TTLL4: variants seen among roughly 807,000 people sequenced by gnomAD.
The protein encoded by TTLL4 is tubulin monoglutamylase TTLL4.
A neutral mutation model predicts 122.7 loss-of-function variants in TTLL4; 85 were observed. That is an observed-to-expected ratio of 0.69 (90% CI 0.58 to 0.83). The LOEUF is 0.83. Among genes scored for constraint, TTLL4 ranks in the 40% least tolerant of loss-of-function variants. The pLI is 0.00. For synonymous variants in TTLL4, 553 were observed against 563.0 expected (o/e 0.98, Z 0.25); for missense variants, 1,363 against 1,488.6 (o/e 0.92, Z 1.39).
chr2:218,723,461 A>G (rs1942101853), intron 1 of TTLL4, among the ~76,000 whole-genome samples: 2 of 152,230 alleles, frequency 1.3e-5, no homozygotes, highest in African/African-American at 4.8e-5. Context: ...ATTAAACTTT[A>G]TCTGCCAGGC....
intron 1 of TTLL4, among the ~76,000 whole-genome samples, chr2:218,719,443 A>G (rs1469264517): frequency 6.6e-6 from 1 of 152,156 alleles, no homozygotes; most frequent in African/African-American, 2.4e-5. Context: ...AAGGATTCAC[A>G]AGGAAGAAGC....
At chr2:218,750,186 A>T in intron 15 of TTLL4, 40 bp downstream of exon 15, 1 of 1,604,172 alleles carries the variant, frequency 6.2e-7, no homozygotes, top group Non-Finnish European at 8.5e-7. Flanking sequence ...TGGCAGCATG[A>T]GTAGCCCTGC....
chr2:218,716,140 T>C (rs1469591372), intron 1 of TTLL4, among the ~76,000 whole-genome samples: 2 of 152,234 alleles, frequency 1.3e-5, no homozygotes, highest in East Asian at 3.8e-4. Flanking sequence ...AAACTCGTGG[T>C]GGCAGATACC....
chr2:218,754,161 A>C lies in TTLL4; in HGVS notation c.3372A>C (p.Leu1124=), dbSNP rs769201303. 1.2e-6 allele frequency: 2 copies of C among 1,614,036 alleles called. No individual in the cohort carries two copies. Among genetic ancestry groups the C allele is most frequent in the East Asian group, 2.2e-5 (1 of 44,894 alleles). The part of the protein sequence containing the change: ...LGKQSSCEVS[L]LLSEDGTTPK... Reference sequence around the variant, plus strand: ...AACAAAGCTCCTGTGAGGTTAGCCTACTACTCTCTGAAGACGGGACCACGC... The same window carrying C: ...AACAAAGCTCCTGTGAGGTTAGCCTCCTACTCTCTGAAGACGGGACCACGC... The change falls in exon 20 of 20, where the codon CTA becomes CTC. Residue 1124 remains leucine (L), a synonymous_variant. Coordinates refer to ENST00000392102, the MANE Select transcript of TTLL4 (RefSeq NM_014640.5).
At chr2:218,725,564 T>TG (rs1210867165) in intron 1 of TTLL4, among the ~76,000 whole-genome samples, 1 of 150,798 alleles carries the variant, frequency 6.6e-6, no homozygotes, top group Non-Finnish European at 1.5e-5. Flanking sequence ...TATATTGCCT[T>TG]TTTTTTTTGG....
At chr2:218,736,312 AT>A (rs1314611926) in intron 2 of TTLL4, 6 of 152,258 alleles carry the variant, frequency 3.9e-5, no homozygotes, top group African/African-American at 1.4e-4. Flanking sequence ...TTTCCCCCAG[AT>A]GCTGCCATGA....
Position 218,753,595 on chromosome 2 carries a change from G to C in TTLL4, c.3270G>C (p.Pro1090=), listed in dbSNP as rs555430588. 5 of 1,614,000 alleles carry C rather than the reference G, an allele frequency of 3.1e-6. No individual in the cohort carries two copies. The highest frequency in any genetic ancestry group is 1.3e-5 in the African/African-American group (1 of 74,920). ...TCCTTTGCTCTTAGTGGTCTCTCCC[G>C]ACATCACTTCTGACTATCTCAAAGG... is the stretch of plus-strand genomic sequence containing the variant. ...VSDSAPVWSL[P]TSLLTISKDD... The change falls in exon 19 of 20, where the codon CCG becomes CCC. Residue 1090 remains proline (P), a synonymous_variant. Transcript: ENST00000392102.
At chr2:218,741,157 A>G (rs554106444) in intron 5 of TTLL4, among the ~76,000 whole-genome samples, 2 of 152,370 alleles carry the variant, frequency 1.3e-5, no homozygotes, top group Non-Finnish European at 2.9e-5. Flanking sequence ...TGGGAGACTA[A>G]GATGGGTGGA....
At position 218,748,767 on chromosome 2, in the gene TTLL4, C is replaced by T. The variant is rs565374612; in HGVS notation, c.2502-69C>T. ...AGAAAATACCATTAGGTCTCTTCTT[C>T]GTTTTTCTTTGTCTTTGTCACTCAT... is the stretch of plus-strand genomic sequence containing the variant. On this transcript the variant is annotated intron_variant, in intron 12 of 19. Coordinates refer to ENST00000392102, the MANE Select transcript of TTLL4 (RefSeq NM_014640.5). 14 of 1,412,072 alleles carry T rather than the reference C, an allele frequency of 9.9e-6. No homozygotes were observed. The East Asian group carries it at 1.4e-4, about 14-fold the overall frequency. The allele number at this position is 1,412,072 out of a possible 1,614,324, so 87.5% of individuals were successfully genotyped here.
In TTLL4 at chr2:218,751,820, C is replaced by T. The variant is rs1943022115; in HGVS notation, c.2976+14C>T. 4 of 1,604,544 alleles carry T rather than the reference C, an allele frequency of 2.5e-6. No homozygotes were observed. Among genetic ancestry groups the T allele is most frequent in the Middle Eastern group, 1.7e-4 (1 of 6,014 alleles). ...ATTCCTGATCAGGTAGGAGATTGGT[C>T]TTCCCCCCAGTGCTAGCAGAAAACT... On this transcript the variant is annotated intron_variant, in intron 16 of 19. Coordinates refer to ENST00000392102, the MANE Select transcript of TTLL4 (RefSeq NM_014640.5).
chr2:218,748,496 A>C, intron 12 of TTLL4: 1 of 463,640 alleles, frequency 2.2e-6, no homozygotes. Context: ...GTCTACTAAA[A>C]ATACAAAAAT....
chr2:218,743,875 C>T (rs1229681635), intron 5 of TTLL4, among the ~76,000 whole-genome samples: 2 of 152,112 alleles, frequency 1.3e-5, no homozygotes, highest in East Asian at 3.9e-4. Context: ...GACGGGGTTT[C>T]CCCATGTTGG....
Position 218,739,087 on chromosome 2 carries a change from TC to T in TTLL4, c.1413del (p.Ile472SerfsTer44), listed in dbSNP as rs750426093. The T allele has an allele frequency of 1.2e-6, 2 of 1,614,122 alleles. No homozygotes were observed. The highest frequency in any genetic ancestry group is 8.5e-7 in the Non-Finnish European group (1 of 1,180,030). On this transcript the variant is annotated frameshift_variant, in exon 3 of 20. Coordinates refer to ENST00000392102, the MANE Select transcript of TTLL4 (RefSeq NM_014640.5). LOFTEE classifies it high-confidence loss of function. ...GIANVATRLS[S>X]IQLGQSEKER... ...AGCCAACGTGGCCACCCGCCTCTCT[TC>T]CATCCAGCTGGGCCAGTCTGAGAAG...
At chr2:218,748,469 A>G (rs573569393) in intron 12 of TTLL4, 202 of 533,690 alleles carry the variant, frequency 3.8e-4, no homozygotes, top group Non-Finnish European at 5.8e-4. Flanking sequence ...AGCCTGGCCA[A>G]CATGGCGAAG....
Position 218,738,036 on chromosome 2 carries a change from C to G in TTLL4, c.360C>G (p.Arg120=). ...DLFNSTLLYR[R]SSYRQKPYQQ... ...TCAACAGCACCCTGCTATACCGCCG[C>G]TCCAGCTATAGGCAAAAACCGTACC... The change falls in exon 3 of 20, where the codon CGC becomes CGG. Residue 120 remains arginine, a synonymous_variant. Transcript: ENST00000392102. 1 of 1,614,180 alleles carries G rather than the reference C, an allele frequency of 6.2e-7. No individual in the cohort carries two copies. Among genetic ancestry groups the G allele is most frequent in the Non-Finnish European group, 8.5e-7 (1 of 1,180,042 alleles).
Position 218,738,628 on chromosome 2 carries a change from T to C in TTLL4, c.952T>C (p.Ser318Pro), listed in dbSNP as rs1479914431. 2 of 1,614,096 alleles carry C rather than the reference T, an allele frequency of 1.2e-6. No homozygotes were observed. The highest frequency in any genetic ancestry group is 8.5e-7 in the Non-Finnish European group (1 of 1,180,048). ...CTTAGCCATGAGGGCAGAGCCACTT[T>C]CCTGTGCTCTGGATGACAGCTCTGA... ...NNLAMRAEPL[S>P]CALDDSSDSQ... Residue 318 changes from serine (S) to proline (P), a missense_variant, in exon 3 of 20, where the codon TCC becomes CCC. By Grantham distance (74) the Ser-to-Pro change is moderately conservative (BLOSUM62 -1). This residue lies in a region of TTLL4 where 760 missense variants were observed against 808.4 expected (regional missense o/e 0.94). Transcript: ENST00000392102.
Position 218,737,793 on chromosome 2 carries a change from C to T in TTLL4, c.117C>T (p.Gly39=), listed in dbSNP as rs140821266. 305 of 1,614,084 alleles carry T rather than the reference C, an allele frequency of 1.9e-4. No individual in the cohort carries two copies. In the East Asian group the frequency reaches 4.6e-3, roughly 24 times the overall value. The part of the protein sequence containing the change: ...PATPPEKPSE[G]RVWPQAHQQV... ...CGCCACCTGAGAAACCCTCGGAGGG[C>T]AGAGTCTGGCCTCAGGCCCATCAGC... Residue 39 remains glycine, a synonymous_variant, in exon 3 of 20, where the codon GGC becomes GGT. Transcript: ENST00000392102.
intron 18 of TTLL4, 91 bp downstream of exon 18, chr2:218,753,276 G>A: frequency 7.3e-7 from 1 of 1,370,970 alleles, no homozygotes; most frequent in Non-Finnish European, 1.0e-6. Context: ...GGTATGTATA[G>A]GCCTCTCTCA....
chr2:218,725,213 T>G (rs1280154734), intron 1 of TTLL4, among the ~76,000 whole-genome samples: 2 of 152,100 alleles, frequency 1.3e-5, no homozygotes, highest in African/African-American at 4.8e-5. Flanking sequence ...CAAGTCATTT[T>G]AAGAGATGAT....
Sources: allele counts gnomAD v4.1 joint callset (sites outside exome capture counted in the v4.1 genomes callset), GRCh38; gene constraint gnomAD v4.1.1; regional missense constraint gnomAD v4.1.1; transcripts MANE v1.5; gene names NCBI Gene and HGNC (gene_info 2026-07-23, HGNC 2026-07-21).